C1QTNF3: variants seen among roughly 807,000 people sequenced by gnomAD.
The protein encoded by C1QTNF3 is C1q and TNF related 3.
In C1QTNF3, 26 loss-of-function variants were observed where a neutral mutation model predicts 32.6. The ratio of observed to expected loss-of-function variants is 0.80; its 90% CI spans 0.58 to 1.11. The LOEUF (loss-of-function observed/expected upper bound fraction) is 1.11, where lower values mean the gene tolerates loss of function less well. C1QTNF3 is among the 50% of genes least tolerant of loss of function. The pLI is 0.00. For synonymous variants in C1QTNF3, 155 were observed against 146.0 expected, an observed-to-expected ratio of 1.06 and a Z score of -0.44; for missense variants, 362 against 398.2, an observed-to-expected ratio of 0.91 and a Z score of 0.77.
At chr5:34,175,738 T>C in the C1QTNF3 span, 1 of 647,598 alleles carries the variant, frequency 1.5e-6, no homozygotes, top group South Asian at 1.8e-5. Flanking sequence ...CCAATATTCT[T>C]ACAGCCAAAA....
chr5:34,120,338 T>C, the C1QTNF3 span, among the ~76,000 whole-genome samples: 1 of 152,214 alleles, frequency 6.6e-6, no homozygotes, highest in African/African-American at 2.4e-5. Context: ...TATAGCCATC[T>C]ATAGTCTTGT....
At chr5:34,132,481 C>T in the C1QTNF3 span, among the ~76,000 whole-genome samples, 2 of 134,532 alleles carry the variant, frequency 1.5e-5, no homozygotes, top group African/African-American at 6.0e-5. Context: ...TGTAGCAGAA[C>T]CAAAATTTAA....
the C1QTNF3 span, among the ~76,000 whole-genome samples, chr5:34,134,670 C>T: frequency 2.0e-5 from 3 of 152,036 alleles, no homozygotes; most frequent in Admixed American, 6.6e-5. Context: ...AGGTATTTTC[C>T]TCTCTTCGTA....
chr5:34,224,926 AAT>A, the C1QTNF3 span, among the ~76,000 whole-genome samples: 1 of 152,312 alleles, frequency 6.6e-6, no homozygotes, highest in African/African-American at 2.4e-5. Flanking sequence ...TAACATCCAG[AAT>A]CTACAATGAA....
chr5:34,195,871 C>T, the C1QTNF3 span, among the ~76,000 whole-genome samples: 1 of 152,168 alleles, frequency 6.6e-6, no homozygotes, highest in African/African-American at 2.4e-5. Context: ...TATGATAAAG[C>T]CCTAACCCCC....
the C1QTNF3 span, chr5:34,168,837 C>T: frequency 6.6e-6 from 1 of 152,244 alleles, no homozygotes; most frequent in East Asian, 1.9e-4. Flanking sequence ...CACCTAGTTA[C>T]TATATACCAG....
intron 4 of C1QTNF3, 70 bp from the exon 5 acceptor site, chr5:34,024,078 A>T: frequency 8.4e-7 from 1 of 1,189,440 alleles, no homozygotes; most frequent in Non-Finnish European, 1.2e-6. Flanking sequence ...AGATACCTGG[A>T]GATTTGCCAA....
the C1QTNF3 span, among the ~76,000 whole-genome samples, chr5:34,102,988 A>T: frequency 6.9e-6 from 1 of 145,448 alleles, no homozygotes; most frequent in African/African-American, 2.4e-5. Context: ...AATTAAAAAA[A>T]TAAAACAAAA....
the C1QTNF3 span, among the ~76,000 whole-genome samples, chr5:34,070,239 T>C: frequency 6.6e-6 from 1 of 152,136 alleles, no homozygotes; most frequent in African/African-American, 2.4e-5. Context: ...CCAGACTAAT[T>C]TTCCGGCCAC....
At chr5:34,127,360 A>T in the C1QTNF3 span, among the ~76,000 whole-genome samples, 1 of 152,064 alleles carries the variant, frequency 6.6e-6, no homozygotes, top group Non-Finnish European at 1.5e-5. Context: ...TGATATGGAC[A>T]ATAAAGTCCC....
chr5:34,164,757 T>C, the C1QTNF3 span: 101 of 152,058 alleles, frequency 6.6e-4, no homozygotes, highest in African/African-American at 2.4e-3. Flanking sequence ...TATACATTCA[T>C]TCATAAATTC....
the C1QTNF3 span, among the ~76,000 whole-genome samples, chr5:34,213,020 C>A: frequency 6.6e-6 from 1 of 152,214 alleles, no homozygotes; most frequent in African/African-American, 2.4e-5. Context: ...AATACCCACT[C>A]TTCCCCACGA....
chr5:34,028,793 A>G lies in C1QTNF3; in HGVS notation c.661T>C (p.Phe221Leu). The G allele has an allele frequency of 6.2e-7, 1 of 1,612,126 alleles. No homozygotes were observed. Among genetic ancestry groups the G allele is most frequent in the Non-Finnish European group, 8.5e-7 (1 of 1,179,018 alleles). ...SSVETNIGNF[F>L]DVMTGRFGAP... ...CCAAATCTACCAGTCATGACATCAA[A>G]GAAGTTTCCAATGTTGGTCTCAACA... is the stretch of plus-strand genomic sequence containing the variant. The change falls in exon 4 of 6, where the codon TTT becomes CTT. Residue 221 changes from phenylalanine (F) to leucine (L), a missense_variant. Coordinates refer to ENST00000382065, the MANE Select transcript of C1QTNF3 (RefSeq NM_181435.6).
chr5:34,106,097 T>C, the C1QTNF3 span: 18 of 151,736 alleles, frequency 1.2e-4, no homozygotes, highest in Admixed American at 5.3e-4. Context: ...TTTTAATAGA[T>C]GATATTAGCT....
chr5:34,220,603 G>A, the C1QTNF3 span, among the ~76,000 whole-genome samples: 1 of 151,668 alleles, frequency 6.6e-6, no homozygotes, highest in Non-Finnish European at 1.5e-5. Context: ...TGCAACTTGT[G>A]TACTTTCTAA....
chr5:34,080,148 ATAT>A, the C1QTNF3 span, among the ~76,000 whole-genome samples: 8 of 151,680 alleles, frequency 5.3e-5, no homozygotes, highest in African/African-American at 7.3e-5. Flanking sequence ...AATACATCAC[ATAT>A]TTTAAAATGC....
chr5:34,177,838 G>A, the C1QTNF3 span, among the ~76,000 whole-genome samples: 1 of 151,814 alleles, frequency 6.6e-6, no homozygotes, highest in South Asian at 2.1e-4. Context: ...GTGCAGACTG[G>A]TCTCAAACTC....
At chr5:34,031,418 G>A (rs1047268948) in intron 3 of C1QTNF3, among the ~76,000 whole-genome samples, 2 of 152,196 alleles carry the variant, frequency 1.3e-5, no homozygotes, top group African/African-American at 2.4e-5. Flanking sequence ...GGGTTAGAGT[G>A]TCTAGCTTTG....
the C1QTNF3 span, among the ~76,000 whole-genome samples, chr5:34,122,507 G>C: frequency 6.6e-6 from 1 of 152,176 alleles, no homozygotes; most frequent in African/African-American, 2.4e-5. Context: ...TAGAATATTT[G>C]GCTGAGGAAA....
Sources: allele counts gnomAD v4.1 joint callset (sites outside exome capture counted in the v4.1 genomes callset), GRCh38; gene constraint gnomAD v4.1.1; transcripts MANE v1.5; gene names NCBI Gene and HGNC (gene_info 2026-07-23, HGNC 2026-07-21).